SEMA5A: variants seen among roughly 807,000 people sequenced by gnomAD.
SEMA5A encodes the protein semaphorin-5A.
Under a neutral mutation model 135.5 loss-of-function variants are expected in SEMA5A, and 55 were observed. The observed-to-expected ratio is 0.41, with a 90% CI of 0.33 to 0.51. SEMA5A has a LOEUF of 0.51. Ranked by LOEUF, SEMA5A falls within the 20% of genes least tolerant of loss-of-function variation. The pLI is 0.37. For synonymous variants in SEMA5A, 580 were observed against 546.5 expected, an observed-to-expected ratio of 1.06 and a Z score of -0.85; for missense variants, 1,290 against 1,419.9, an observed-to-expected ratio of 0.91 and a Z score of 1.47.
chr5:9,408,150 T>TCAC (rs559391384), intron 2 of SEMA5A, among the ~76,000 whole-genome samples: 240 of 150,736 alleles, frequency 1.6e-3, no homozygotes, highest in African/African-American at 5.5e-3. Flanking sequence ...AACATCATTA[T>TCAC]CACCACCACC....
intron 5 of SEMA5A, among the ~76,000 whole-genome samples, chr5:9,303,835 A>G (rs1025291763): frequency 7.2e-5 from 11 of 152,224 alleles, no homozygotes; most frequent in African/African-American, 2.7e-4. Context: ...CAAATCCTAT[A>G]TAAAATATTT....
intron 1 of SEMA5A, among the ~76,000 whole-genome samples, chr5:9,527,960 A>T (rs1737224860): frequency 6.6e-6 from 1 of 152,240 alleles, no homozygotes; most frequent in African/African-American, 2.4e-5. Context: ...TCTTCATAGA[A>T]TAAAAATATC....
rs575568242 is a variant in SEMA5A at position 9,287,372 on chromosome 5, A to G, written c.270+31000T>C. Among the ~76,000 whole-genome samples the G allele has an allele frequency of 5.9e-5, 9 of 152,334 alleles. No individual in the cohort carries two copies. In the South Asian group the frequency reaches 1.9e-3, roughly 32 times the overall value. ...ATTATTCAGTTTAAGCAGAATAGAC[A>G]CTACATCCTTTCATATATACATAAT... On this transcript the variant is annotated intron_variant, in intron 5 of 22. Transcript: ENST00000382496.
At chr5:9,214,872 G>T (rs188753006) in intron 8 of SEMA5A, among the ~76,000 whole-genome samples, 404 of 152,292 alleles carry the variant, frequency 2.7e-3, no homozygotes, top group South Asian at 0.013. Context: ...GCTAACTCAA[G>T]CATCAGCAAT....
At chr5:9,158,622 A>G (rs1743082410) in intron 11 of SEMA5A, among the ~76,000 whole-genome samples, 1 of 152,100 alleles carries the variant, frequency 6.6e-6, no homozygotes, top group Admixed American at 6.5e-5. Flanking sequence ...CAGAATGGAC[A>G]CTGCTTCAGT....
intron 8 of SEMA5A, among the ~76,000 whole-genome samples, chr5:9,217,687 T>C (rs1561033139): frequency 6.6e-6 from 1 of 152,244 alleles, no homozygotes; most frequent in African/African-American, 2.4e-5. Flanking sequence ...TCAAAGGTTT[T>C]GTTCATTCCT....
In SEMA5A at chr5:9,295,184, A is replaced by C. The variant is rs531855176; in HGVS notation, c.270+23188T>G. Among the ~76,000 whole-genome samples the C allele has an allele frequency of 7.9e-5, 12 of 152,252 alleles. No homozygotes were observed. The South Asian group carries it at 2.5e-3, about 32-fold the overall frequency. Reference sequence around the variant, plus strand: ...CAAAGTAGGGATTCCCGCTACCCCAAATTCTTATTCAGTAAGCATAAAAAG... The same window carrying C: ...CAAAGTAGGGATTCCCGCTACCCCACATTCTTATTCAGTAAGCATAAAAAG... On this transcript the variant is annotated intron_variant, in intron 5 of 22. Coordinates refer to ENST00000382496, the MANE Select transcript of SEMA5A (RefSeq NM_003966.3).
intron 16 of SEMA5A, among the ~76,000 whole-genome samples, chr5:9,094,848 CA>C (rs1261191772): frequency 6.6e-6 from 1 of 152,120 alleles, no homozygotes; most frequent in Admixed American, 6.5e-5. Context: ...GTTACTTTCT[CA>C]TGCAGCACGG....
intron 11 of SEMA5A, among the ~76,000 whole-genome samples, chr5:9,187,016 C>T (rs1452885969): frequency 6.6e-6 from 1 of 152,010 alleles, no homozygotes; most frequent in Non-Finnish European, 1.5e-5. Flanking sequence ...CCTGGTTTGC[C>T]TTGATGTAAC....
intron 5 of SEMA5A, among the ~76,000 whole-genome samples, chr5:9,302,194 CT>C (rs772890269): frequency 2.0e-5 from 3 of 152,122 alleles, no homozygotes; most frequent in Non-Finnish European, 4.4e-5. Context: ...TTTCAAGATC[CT>C]TAATATAATC....
rs572033775 is a variant in SEMA5A at position 9,201,623 on chromosome 5, A to T, written c.932+332T>A. ...TGACTTGCATATAGAAAAAATATAC[A>T]TATAATATGTATCAGTATTTCAAAA... On this transcript the variant is annotated intron_variant, in intron 9 of 22. Transcript: ENST00000382496. 1.4e-4 allele frequency among the ~76,000 whole-genome samples: 22 copies of T among 152,352 alleles called. 1 individual carries two copies. In the South Asian group the frequency reaches 2.3e-3, roughly 16 times the overall value.
At chr5:9,162,569 T>TATAC (rs1743344707) in intron 11 of SEMA5A, among the ~76,000 whole-genome samples, 1 of 49,452 alleles carries the variant, frequency 2.0e-5, no homozygotes, top group African/African-American at 5.7e-5. Flanking sequence ...TGTGTGTATA[T>TATAC]ATATATATAT....
chr5:9,330,233 A>G (rs551080093), intron 4 of SEMA5A, among the ~76,000 whole-genome samples: 86 of 152,160 alleles, frequency 5.7e-4, no homozygotes, highest in African/African-American at 2.0e-3. Flanking sequence ...TACTAAAAAT[A>G]CAAAAAATTA....
intron 5 of SEMA5A, among the ~76,000 whole-genome samples, chr5:9,288,550 A>G (rs531840611): frequency 6.6e-6 from 1 of 152,368 alleles, no homozygotes; most frequent in East Asian, 1.9e-4. Flanking sequence ...GGGCAAGAGA[A>G]AATAGCCAGC....
Position 9,204,044 on chromosome 5 carries a change from C to T in SEMA5A, c.647-1804G>A, listed in dbSNP as rs1745874132. Among the ~76,000 whole-genome samples, 5 of 151,890 alleles carry T rather than the reference C, an allele frequency of 3.3e-5. No individual in the cohort carries two copies. The South Asian group carries it at 6.3e-4, about 19-fold the overall frequency. ...AACAGAATTACCTGATGAAGCAGGC[C>T]CCAAAAGCAAAGATACGGAACAATT... On this transcript the variant is annotated intron_variant, in intron 8 of 22. Transcript: ENST00000382496. This position sits in a 1 kb window ranked among gnomAD's most constrained non-coding sequence, Gnocchi z 6.4.
chr5:9,080,963 T>A (rs951371922), intron 16 of SEMA5A, among the ~76,000 whole-genome samples: 1 of 152,208 alleles, frequency 6.6e-6, no homozygotes, highest in Admixed American at 6.5e-5. Context: ...GATGGGATAG[T>A]CACCCTCTTA....
At chr5:9,097,073 ATAAAATTTAC>A (rs1488406388) in intron 16 of SEMA5A, among the ~76,000 whole-genome samples, 6 of 152,204 alleles carry the variant, frequency 3.9e-5, no homozygotes, top group East Asian at 1.9e-4. Flanking sequence ...AATATACACG[ATAAAATTTAC>A]TTTAAAAAGA....
intron 1 of SEMA5A, among the ~76,000 whole-genome samples, chr5:9,501,652 G>A (rs905330141): frequency 3.3e-5 from 5 of 152,170 alleles, no homozygotes; most frequent in Non-Finnish European, 7.3e-5. Context: ...GCTCTGGGCT[G>A]CAGGGGCAGC....
chr5:9,457,273 G>A (rs749347256), intron 1 of SEMA5A, among the ~76,000 whole-genome samples: 1 of 152,214 alleles, frequency 6.6e-6, no homozygotes, highest in Non-Finnish European at 1.5e-5. Context: ...CCTCAGAGGA[G>A]TAGAAATCGC....
Sources: gnomAD v4.1 joint callset for allele counts (sites outside exome capture counted in the v4.1 genomes callset) on GRCh38, gnomAD v4.1.1 for gene constraint, Gnocchi (gnomAD v3.1) non-coding constraint, MANE v1.5 for transcripts, NCBI Gene and HGNC (gene_info 2026-07-23, HGNC 2026-07-21) for gene names.